RELN: variants seen among roughly 807,000 people sequenced by gnomAD.
RELN encodes reelin.
RELN carries 108 observed loss-of-function variants against 427.6 expected under a neutral mutation model. The observed-to-expected ratio is 0.25, with a 90% CI of 0.22 to 0.30. The LOEUF is 0.30. Among genes scored for constraint, RELN ranks in the 10% least tolerant of loss-of-function variants. The pLI is 1.00. For missense variants in RELN, 3,715 were observed against 4,302.8 expected (o/e 0.86, Z 3.82); for synonymous variants, 1,524 against 1,513.4 (o/e 1.01, Z -0.16).
chr7:103,861,114 T>C (rs1794062104), intron 2 of RELN, among the ~76,000 whole-genome samples: 1 of 152,146 alleles, frequency 6.6e-6, no homozygotes, highest in Non-Finnish European at 1.5e-5. Context: ...GAGGGACTTT[T>C]AAAATAATAG....
intron 52 of RELN, 102 bp downstream of exon 52, chr7:103,502,914 C>G: frequency 1.0e-6 from 1 of 992,366 alleles, no homozygotes; most frequent in Non-Finnish European, 1.6e-6. Flanking sequence ...AAAGAAAGCA[C>G]TTTACCCACA....
Position 103,511,105 on chromosome 7 carries a change from C to T in RELN, c.8120-100G>A, listed in dbSNP as rs537948638. ...GACATAGAATTATTTTAAGTAGAAA[C>T]TGCTCATATTATATACACTCTATAG... On this transcript the variant is annotated intron_variant, in intron 50 of 64. Coordinates refer to ENST00000428762, the MANE Select transcript of RELN (RefSeq NM_005045.4). The T allele has an allele frequency of 3.7e-6, 3 of 802,858 alleles. No individual in the cohort carries two copies. The East Asian group carries it at 8.0e-5, about 21-fold the overall frequency. 49.7% of individuals were successfully genotyped at this position (802,858 alleles called of 1,614,324 possible).
chr7:103,832,873 T>C (rs1793308258), intron 3 of RELN, among the ~76,000 whole-genome samples: 1 of 152,164 alleles, frequency 6.6e-6, no homozygotes, highest in Admixed American at 6.6e-5. Context: ...ATCTGTGGTC[T>C]TCTTCCAAAA....
At chr7:103,936,458 T>C (rs1370415710) in intron 1 of RELN, among the ~76,000 whole-genome samples, 1 of 152,064 alleles carries the variant, frequency 6.6e-6, no homozygotes, top group East Asian at 1.9e-4. Context: ...CACAGTGGTC[T>C]TTTCAAAAGG....
In RELN at chr7:103,522,286, C is replaced by T. The variant is rs552815617; in HGVS notation, c.7491-87G>A. On this transcript the variant is annotated intron_variant, in intron 47 of 64. Coordinates refer to ENST00000428762, the MANE Select transcript of RELN (RefSeq NM_005045.4). ...TCAAATTAGTGAAGACTACTCTTTT[C>T]CTAGTCCAAGATGATGAAAAGTTAC... is the stretch of plus-strand genomic sequence containing the variant. 75 of 1,308,270 alleles carry T rather than the reference C, an allele frequency of 5.7e-5. No individual in the cohort carries two copies. In the South Asian group the frequency reaches 7.9e-4, roughly 14 times the overall value. The allele number at this position is 1,308,270 out of a possible 1,614,324, so 81.0% of individuals were successfully genotyped here. A position where few individuals can be genotyped will look rare whatever the true frequency, so the allele number is the denominator to read the frequency against.
chr7:103,646,110 C>G (rs1049231432), intron 16 of RELN, among the ~76,000 whole-genome samples: 4 of 151,604 alleles, frequency 2.6e-5, no homozygotes, highest in Non-Finnish European at 3.0e-5. Flanking sequence ...AACAAAACTT[C>G]TAAGATATAG....
At chr7:103,699,171 G>A (rs953133963) in intron 9 of RELN, among the ~76,000 whole-genome samples, 5 of 151,970 alleles carry the variant, frequency 3.3e-5, no homozygotes, top group African/African-American at 9.7e-5. Flanking sequence ...ATTAAAAGTG[G>A]TACTAAAATG....
chr7:103,628,518 C>T (rs193065581), intron 20 of RELN, among the ~76,000 whole-genome samples: 15 of 152,346 alleles, frequency 9.8e-5, no homozygotes, highest in Admixed American at 2.6e-4. Context: ...TACTTCCATT[C>T]CATTAGCTGT....
At chr7:103,839,636 A>G (rs1793503678) in intron 2 of RELN, among the ~76,000 whole-genome samples, 1 of 152,192 alleles carries the variant, frequency 6.6e-6, no homozygotes, top group African/African-American at 2.4e-5. Flanking sequence ...GGTACTGATA[A>G]AAAATACAAT....
chr7:103,533,073 G>T (rs1057414645), intron 46 of RELN, among the ~76,000 whole-genome samples: 1 of 152,278 alleles, frequency 6.6e-6, no homozygotes, highest in East Asian at 1.9e-4. Flanking sequence ...TTTTAGTTTG[G>T]TGAATGGTTT....
chr7:103,692,458 A>G (rs1217367867), intron 10 of RELN, among the ~76,000 whole-genome samples: 2 of 152,048 alleles, frequency 1.3e-5, no homozygotes, highest in African/African-American at 4.8e-5. Context: ...TTCCAGATCC[A>G]ACCCTGGAGG....
chr7:103,742,846 T>C (rs1199268283), intron 6 of RELN, among the ~76,000 whole-genome samples: 2 of 152,134 alleles, frequency 1.3e-5, no homozygotes, highest in Admixed American at 6.5e-5. Context: ...CTGCAGGATA[T>C]TATCCAGGAG....
chr7:103,624,061 T>A (rs530424000), intron 20 of RELN, among the ~76,000 whole-genome samples: 3 of 152,316 alleles, frequency 2.0e-5, no homozygotes, highest in African/African-American at 7.2e-5. Flanking sequence ...CTAGCTCTTA[T>A]GCTAAATGAA....
Position 103,537,633 on chromosome 7 carries a change from T to C in RELN, c.7180+1445A>G, listed in dbSNP as rs966531865. On this transcript the variant is annotated intron_variant, in intron 45 of 64. Transcript: ENST00000428762. ...TGCTGCAGGTTGACCATGTGATAAC[T>C]TACTTCTTTGGGCTCTCCTCTACTT... 5.3e-5 allele frequency among the ~76,000 whole-genome samples: 8 copies of C among 152,182 alleles called. No individual in the cohort carries two copies. The East Asian group carries it at 1.5e-3, about 29-fold the overall frequency.
chr7:103,826,892 A>G (rs1486817788), intron 3 of RELN, among the ~76,000 whole-genome samples: 1 of 152,054 alleles, frequency 6.6e-6, no homozygotes, highest in Non-Finnish European at 1.5e-5. Context: ...TGTAATAAGG[A>G]ACACCTTGTG....
chr7:103,519,364 G>A lies in RELN; in HGVS notation c.7821C>T (p.Asn2607=), dbSNP rs772869992. Residue 2607 remains asparagine, a synonymous_variant, in exon 49 of 65, where the codon AAC becomes AAT. Transcript: ENST00000428762. The stretch of plus-strand genomic sequence containing the variant: ...GGTCATAGAAAATCTCCATGAGCAG[G>A]TTCCAGGTAATGCCTCCATTGACAG... ...EYSVNGGITW[N]LLMEIFYDQY... 4 of 1,614,052 alleles carry A rather than the reference G, an allele frequency of 2.5e-6. No individual in the cohort carries two copies. In the Admixed American group the frequency reaches 6.7e-5, roughly 27 times the overall value.
intron 17 of RELN, among the ~76,000 whole-genome samples, chr7:103,638,635 C>T (rs1010983170): frequency 2.0e-5 from 3 of 151,936 alleles, no homozygotes; most frequent in African/African-American, 7.3e-5. Context: ...TTAGCCCAGC[C>T]GTAAGCGAAC....
chr7:103,609,026 C>T (rs1361670527), intron 22 of RELN, among the ~76,000 whole-genome samples: 3 of 151,866 alleles, frequency 2.0e-5, no homozygotes, highest in Admixed American at 2.0e-4. Context: ...AGTTCAAGAC[C>T]AGCCTGGCCA....
chr7:103,988,723 C>T lies in RELN; in HGVS notation c.226+408G>A, dbSNP rs970322932. Among the ~76,000 whole-genome samples, 1 of 152,170 alleles carries T rather than the reference C, an allele frequency of 6.6e-6. No individual in the cohort carries two copies. The highest frequency in any genetic ancestry group is 1.5e-5 in the Non-Finnish European group (1 of 68,020). ...CGCAAAGCCCAGCGACAGCCCCCAA[C>T]GCCCCCCCGGGGACCCATCTGGGGG... On this transcript the variant is annotated intron_variant, in intron 1 of 64. Transcript: ENST00000428762. The surrounding 1 kb of genome is among the most constrained non-coding windows in gnomAD (Gnocchi z 4.9).
Sources: gnomAD v4.1 joint callset for allele counts (sites outside exome capture counted in the v4.1 genomes callset) on GRCh38, gnomAD v4.1.1 for gene constraint, Gnocchi (gnomAD v3.1) non-coding constraint, MANE v1.5 for transcripts, NCBI Gene and HGNC (gene_info 2026-07-23, HGNC 2026-07-21) for gene names.